NRF1: variants seen among roughly 807,000 people sequenced by gnomAD.
NRF1 encodes nuclear respiratory factor 1, also known as alpha palindromic-binding protein.
In NRF1, 5 loss-of-function variants were observed where a neutral mutation model predicts 58.5. The observed-to-expected ratio is 0.09, with a 90% CI of 0.04 to 0.18. The LOEUF (loss-of-function observed/expected upper bound fraction) is 0.18. NRF1 is among the 10% of genes least tolerant of loss of function. The pLI is 1.00. For missense variants in NRF1, 288 were observed against 657.7 expected, an observed-to-expected ratio of 0.44 and a Z score of 6.15; for synonymous variants, 224 against 246.7, an observed-to-expected ratio of 0.91 and a Z score of 0.86.
At chr7:129,634,387 A>G (rs1399985241) in intron 1 of NRF1, among the ~76,000 whole-genome samples, 3 of 151,774 alleles carry the variant, frequency 2.0e-5, no homozygotes, top group Non-Finnish European at 4.4e-5. Flanking sequence ...ATTTTTTTTT[A>G]CTGTCTCCAT....
chr7:129,731,186 G>A (rs920852413), intron 10 of NRF1, among the ~76,000 whole-genome samples: 4 of 151,416 alleles, frequency 2.6e-5, no homozygotes, highest in South Asian at 4.2e-4. Context: ...CACGAGAATC[G>A]CTTGAACCCA....
intron 3 of NRF1, among the ~76,000 whole-genome samples, chr7:129,672,799 A>C (rs972621518): frequency 1.4e-4 from 22 of 152,190 alleles, no homozygotes; most frequent in Middle Eastern, 3.2e-3. Context: ...TGATGCCTCT[A>C]ACCATTAAGT....
chr7:129,748,826 C>T (rs543958170), intron 10 of NRF1, among the ~76,000 whole-genome samples: 10 of 152,314 alleles, frequency 6.6e-5, no homozygotes, highest in Non-Finnish European at 1.2e-4. Context: ...TCCATTTCCA[C>T]GGATACATGC....
intron 5 of NRF1, among the ~76,000 whole-genome samples, chr7:129,708,136 A>G (rs1802992926): frequency 6.6e-6 from 1 of 152,110 alleles, no homozygotes; most frequent in African/African-American, 2.4e-5. Context: ...GCAGGATGCT[A>G]CTTATATCTG....
At chr7:129,675,055 A>C (rs973296114) in intron 3 of NRF1, among the ~76,000 whole-genome samples, 49 of 152,208 alleles carry the variant, frequency 3.2e-4, no homozygotes, top group Admixed American at 2.6e-4. Context: ...AGTTTGTGTA[A>C]TATTCTAAAT....
chr7:129,661,772 C>T (rs775057131), intron 2 of NRF1, among the ~76,000 whole-genome samples: 23 of 151,056 alleles, frequency 1.5e-4, no homozygotes, highest in Non-Finnish European at 3.2e-4. Context: ...CTGTTCCAAC[C>T]CCAGCCTATT....
chr7:129,634,162 C>T (rs2151063703), intron 1 of NRF1, among the ~76,000 whole-genome samples: 1 of 151,222 alleles, frequency 6.6e-6, no homozygotes, highest in East Asian at 1.9e-4. Flanking sequence ...TCTCTCCTAC[C>T]CATTTCCTTT....
chr7:129,619,429 T>TACACACACACACACACAC (rs1384098912), intron 1 of NRF1, among the ~76,000 whole-genome samples: 1 of 75,166 alleles, frequency 1.3e-5, no homozygotes, highest in African/African-American at 7.1e-5. Flanking sequence ...TATATATATA[T>TACACACACACACACACAC]ATATACACAC....
intron 5 of NRF1, among the ~76,000 whole-genome samples, chr7:129,692,344 C>G (rs1488025944): frequency 6.6e-6 from 1 of 152,092 alleles, no homozygotes; most frequent in East Asian, 1.9e-4. Context: ...TCCAGGAGTT[C>G]GATATCAGCC....
chr7:129,642,507 A>G (rs1801313000), intron 1 of NRF1, among the ~76,000 whole-genome samples: 1 of 152,196 alleles, frequency 6.6e-6, no homozygotes, highest in Non-Finnish European at 1.5e-5. Context: ...TTTAATCTAT[A>G]TTAAGTGAAA....
intron 10 of NRF1, among the ~76,000 whole-genome samples, chr7:129,746,406 G>A (rs1274382392): frequency 6.6e-6 from 1 of 152,118 alleles, no homozygotes; most frequent in African/African-American, 2.4e-5. Context: ...TCTAACTGCT[G>A]TCTGCCTGCT....
At chr7:129,643,035 G>T (rs897573917) in intron 1 of NRF1, among the ~76,000 whole-genome samples, 6 of 152,026 alleles carry the variant, frequency 3.9e-5, no homozygotes, top group African/African-American at 1.2e-4. Flanking sequence ...AGGTTTTCTT[G>T]GAATACACAT....
chr7:129,658,649 A>G (rs1445127814), intron 2 of NRF1, among the ~76,000 whole-genome samples: 1 of 151,574 alleles, frequency 6.6e-6, no homozygotes, highest in Non-Finnish European at 1.5e-5. Context: ...GGAACTTTTA[A>G]CCTCTACAGG....
intron 1 of NRF1, among the ~76,000 whole-genome samples, chr7:129,651,723 A>G (rs973932541): frequency 6.6e-5 from 10 of 152,176 alleles, no homozygotes; most frequent in African/African-American, 1.2e-4. Context: ...GGATGGAAAA[A>G]TAGCATTTTA....
intron 9 of NRF1, among the ~76,000 whole-genome samples, chr7:129,724,005 G>T (rs1011255816): frequency 6.6e-6 from 1 of 152,174 alleles, no homozygotes; most frequent in African/African-American, 2.4e-5. Flanking sequence ...CATTGGATTT[G>T]CCAGTAATTT....
intron 2 of NRF1, among the ~76,000 whole-genome samples, chr7:129,664,119 T>A (rs1161108941): frequency 2.7e-5 from 2 of 73,046 alleles, no homozygotes; most frequent in Non-Finnish European, 5.3e-5. Flanking sequence ...AGGGAGACAG[T>A]GGAGACGGGA....
At chr7:129,674,009 C>T (rs1402902089) in intron 3 of NRF1, among the ~76,000 whole-genome samples, 2 of 151,728 alleles carry the variant, frequency 1.3e-5, no homozygotes, top group Non-Finnish European at 2.9e-5. Flanking sequence ...GGCATGGTGG[C>T]AGGCACCTAC....
intron 10 of NRF1, among the ~76,000 whole-genome samples, chr7:129,743,559 C>T (rs1324461556): frequency 6.6e-6 from 1 of 152,210 alleles, no homozygotes; most frequent in Non-Finnish European, 1.5e-5. Flanking sequence ...CGTAAAATAA[C>T]AATACTACTT....
At chr7:129,622,322 T>C (rs1403902731) in intron 1 of NRF1, among the ~76,000 whole-genome samples, 1 of 152,178 alleles carries the variant, frequency 6.6e-6, no homozygotes, top group African/African-American at 2.4e-5. Flanking sequence ...TACTTATCTT[T>C]ACTGGGCTTT....
Sources: gnomAD v4.1 joint callset for allele counts (sites outside exome capture counted in the v4.1 genomes callset) on GRCh38, gnomAD v4.1.1 for gene constraint, MANE v1.5 for transcripts, NCBI Gene and HGNC (gene_info 2026-07-23, HGNC 2026-07-21) for gene names.